Variants in ROR2 observed in about 807,000 individuals in gnomAD.
ROR2 encodes the protein tyrosine-protein kinase transmembrane receptor ROR2.
In ROR2, 33 loss-of-function variants were observed where a neutral mutation model predicts 74.9. The observed-to-expected ratio is 0.44, with a 90% CI of 0.33 to 0.59. ROR2 has a LOEUF of 0.59. Ranked by LOEUF, ROR2 falls within the 20% of genes least tolerant of loss-of-function variation. The probability of loss-of-function intolerance (pLI) is 0.02; values close to 1 mark genes in which losing one functional copy is unlikely to be tolerated. For missense variants in ROR2, 1,216 were observed against 1,313.8 expected (o/e 0.93, Z 1.15); for synonymous variants, 586 against 558.7 (o/e 1.05, Z -0.69).
intron 1 of ROR2, among the ~76,000 whole-genome samples, chr9:91,888,889 C>A (rs1003849840): frequency 3.9e-5 from 6 of 152,066 alleles, no homozygotes; most frequent in Non-Finnish European, 8.8e-5. Flanking sequence ...AGGCTGTCCA[C>A]GAAGCAGGTT....
chr9:91,822,468 G>A (rs1828166220), intron 1 of ROR2, among the ~76,000 whole-genome samples: 1 of 152,168 alleles, frequency 6.6e-6, no homozygotes, highest in Admixed American at 6.5e-5. Flanking sequence ...GCATCAGGAA[G>A]AACAAAAATG....
intron 1 of ROR2, among the ~76,000 whole-genome samples, chr9:91,867,576 C>G (rs904646638): frequency 6.6e-6 from 1 of 151,270 alleles, no homozygotes. Flanking sequence ...CTTGAAAATA[C>G]CAGGGAGATG....
intron 1 of ROR2, among the ~76,000 whole-genome samples, chr9:91,787,069 A>G (rs1826827466): frequency 6.6e-6 from 1 of 152,228 alleles, no homozygotes. Context: ...GAAGCTGGAC[A>G]GCATGTCATC....
chr9:91,780,390 A>AG (rs1826577063), intron 1 of ROR2, among the ~76,000 whole-genome samples: 1 of 130,886 alleles, frequency 7.6e-6, no homozygotes, highest in Non-Finnish European at 1.6e-5. Context: ...AAAAAATGAA[A>AG]GAAAGAAAGA....
intron 1 of ROR2, among the ~76,000 whole-genome samples, chr9:91,810,231 C>T (rs902835300): frequency 6.6e-6 from 1 of 152,138 alleles, no homozygotes; most frequent in African/African-American, 2.4e-5. Flanking sequence ...GGCTTGGCAT[C>T]GGTACTGGGC....
intron 1 of ROR2, among the ~76,000 whole-genome samples, chr9:91,881,708 C>T (rs2119366228): frequency 6.6e-6 from 1 of 152,268 alleles, no homozygotes; most frequent in Non-Finnish European, 1.5e-5. Context: ...CACTCCTGAG[C>T]TATCAGGCCT....
intron 1 of ROR2, among the ~76,000 whole-genome samples, chr9:91,909,855 T>TTG (rs1554691406): frequency 7.3e-5 from 9 of 123,478 alleles, no homozygotes; most frequent in Non-Finnish European, 8.3e-5. Flanking sequence ...TTGTTTTTTT[T>TTG]TTTTTTTTTT....
intron 6 of ROR2, among the ~76,000 whole-genome samples, chr9:91,731,439 G>A (rs367824867): frequency 6.6e-6 from 1 of 152,092 alleles, no homozygotes. Flanking sequence ...CACCAGAATG[G>A]GGATGTCTCC....
At chr9:91,810,145 G>C (rs1279324519) in intron 1 of ROR2, among the ~76,000 whole-genome samples, 2 of 152,248 alleles carry the variant, frequency 1.3e-5, no homozygotes, top group East Asian at 3.9e-4. Context: ...CCTGGGCTGA[G>C]ACATTTCCCA....
At chr9:91,740,139 G>A (rs944290689) in intron 4 of ROR2, among the ~76,000 whole-genome samples, 2 of 152,186 alleles carry the variant, frequency 1.3e-5, no homozygotes, top group African/African-American at 4.8e-5. Flanking sequence ...GGTGCCCACA[G>A]GACAGAGAGA....
chr9:91,810,194 G>T (rs1258397610), intron 1 of ROR2, among the ~76,000 whole-genome samples: 1 of 152,146 alleles, frequency 6.6e-6, no homozygotes, highest in Non-Finnish European at 1.5e-5. Context: ...ATCAGAATGG[G>T]GTCTATGGTT....
At chr9:91,924,387 C>T (rs1008872689) in intron 1 of ROR2, among the ~76,000 whole-genome samples, 9 of 152,234 alleles carry the variant, frequency 5.9e-5, no homozygotes, top group African/African-American at 2.2e-4. Context: ...AGCTTCAAGG[C>T]CAGTGGCTTC....
chr9:91,908,144 G>C (rs144486118), intron 1 of ROR2, among the ~76,000 whole-genome samples: 134 of 152,340 alleles, frequency 8.8e-4, no homozygotes, highest in African/African-American at 3.1e-3. Context: ...TCAATGGGGG[G>C]AGGGAGGAGT....
intron 1 of ROR2, among the ~76,000 whole-genome samples, chr9:91,814,490 T>G (rs1041911321): frequency 6.6e-6 from 1 of 152,080 alleles, no homozygotes; most frequent in Non-Finnish European, 1.5e-5. Context: ...TCTGGCCCCC[T>G]CCATGACTGC....
intron 7 of ROR2, among the ~76,000 whole-genome samples, chr9:91,728,834 T>G (rs1439219321): frequency 6.6e-6 from 1 of 152,218 alleles, no homozygotes. Context: ...TTGGAGCAGA[T>G]AGATATGTGT....
At chr9:91,929,072 T>C (rs1373836181) in intron 1 of ROR2, among the ~76,000 whole-genome samples, 1 of 152,354 alleles carries the variant, frequency 6.6e-6, no homozygotes, top group African/African-American at 2.4e-5. Flanking sequence ...TGTGCCTGCA[T>C]GGGAACACGA....
intron 1 of ROR2, among the ~76,000 whole-genome samples, chr9:91,894,117 A>G (rs760839331): frequency 1.3e-5 from 2 of 151,416 alleles, no homozygotes; most frequent in Non-Finnish European, 2.9e-5. Flanking sequence ...CTGCTCCCCA[A>G]CTCCAGCCCC....
At chr9:91,796,251 G>A (rs1327496395) in intron 1 of ROR2, among the ~76,000 whole-genome samples, 2 of 151,920 alleles carry the variant, frequency 1.3e-5, no homozygotes, top group Non-Finnish European at 2.9e-5. Context: ...AGACCAGCTT[G>A]GGCAACATGG....
At chr9:91,880,412 G>A (rs568715781) in intron 1 of ROR2, among the ~76,000 whole-genome samples, 1 of 152,214 alleles carries the variant, frequency 6.6e-6, no homozygotes, top group Non-Finnish European at 1.5e-5. Context: ...GCATTTGTAG[G>A]TGCATCAGCT....
Sources: gnomAD v4.1 joint callset for allele counts (sites outside exome capture counted in the v4.1 genomes callset) on GRCh38, gnomAD v4.1.1 for gene constraint, MANE v1.5 for transcripts, NCBI Gene and HGNC (gene_info 2026-07-23, HGNC 2026-07-21) for gene names.